TOMM20L: variants seen among roughly 807,000 people sequenced by gnomAD.
The protein encoded by TOMM20L is translocase of outer mitochondrial membrane 20 like, also known as TOMM20-like protein 1.
In TOMM20L, 19 loss-of-function variants were observed where a neutral mutation model predicts 20.4. The observed-to-expected ratio is 0.93, with a 90% CI of 0.65 to 1.36. TOMM20L has a LOEUF of 1.36. Among genes scored for constraint, TOMM20L ranks in the 40% most tolerant of loss-of-function variants. The pLI is 0.00. For missense variants in TOMM20L, 218 were observed against 203.7 expected (o/e 1.07, Z -0.43); for synonymous variants, 75 against 79.6 (o/e 0.94, Z 0.30).
downstream of TOMM20L, among the ~76,000 whole-genome samples, chr14:58,412,949 A>G (rs957638177): frequency 6.6e-6 from 1 of 152,066 alleles, no homozygotes; most frequent in Admixed American, 6.6e-5. Flanking sequence ...AAGGAAATCA[A>G]GAGATTTTTG....
the TOMM20L span, among the ~76,000 whole-genome samples, chr14:58,413,790 G>A: frequency 6.6e-6 from 1 of 151,698 alleles, no homozygotes; most frequent in Non-Finnish European, 1.5e-5. Context: ...GGCAGATTAC[G>A]AGGTCAGGAG....
At chr14:58,410,673 GT>G (rs1458442449), downstream of TOMM20L, among the ~76,000 whole-genome samples, 2 of 152,228 alleles carry the variant, frequency 1.3e-5, no homozygotes, top group African/African-American at 4.8e-5. Context: ...ATTTGGCACT[GT>G]TAAACTCAAT....
intron 3 of TOMM20L, among the ~76,000 whole-genome samples, chr14:58,403,250 C>T (rs2036013599): frequency 6.6e-6 from 1 of 152,058 alleles, no homozygotes; most frequent in Non-Finnish European, 1.5e-5. Flanking sequence ...CCCAGCTACT[C>T]AGAAGGCTGA....
downstream of TOMM20L, chr14:58,409,094 A>G: frequency 6.2e-7 from 1 of 1,614,042 alleles, no homozygotes; most frequent in Non-Finnish European, 8.5e-7. Flanking sequence ...GCTGAATATG[A>G]TATTCCTGAA....
intron 2 of TOMM20L, 148 bp downstream of exon 2, chr14:58,396,489 C>T: frequency 2.6e-6 from 2 of 779,442 alleles, no homozygotes; most frequent in South Asian, 3.4e-5. Flanking sequence ...GCGCCACGCA[C>T]CGCCTCAGGC....
intron 2 of TOMM20L, among the ~76,000 whole-genome samples, chr14:58,397,677 C>T (rs1248409958): frequency 6.6e-6 from 1 of 152,054 alleles, no homozygotes. Context: ...AGGAGTCATA[C>T]TGAGGAATAG....
chr14:58,396,281 C>T lies in TOMM20L; in HGVS notation c.137-17C>T. 6.2e-7 allele frequency: 1 copy of T among 1,612,866 alleles called. No individual in the cohort carries two copies. On this transcript the variant is annotated splice_polypyrimidine_tract_variant and intron_variant, in intron 1 of 4. Transcript: ENST00000360945. ...GGACGGGCCTCCCAGCCAGCATGTG[C>T]CGTGTTGTGTTCGCAGAAAGAAGAG...
chr14:58,404,099 G>GTGTGTATATATATATATA (rs1408980666), intron 3 of TOMM20L, among the ~76,000 whole-genome samples: 501 of 22,910 alleles, frequency 0.022, 153 homozygotes, highest in Non-Finnish European at 0.03. Context: ...ACATATATAT[G>GTGTGTATATATATATATA]TATATATATA....
the TOMM20L span, among the ~76,000 whole-genome samples, chr14:58,413,890 C>CT: frequency 6.6e-6 from 1 of 151,006 alleles, no homozygotes; most frequent in African/African-American, 2.4e-5. Context: ...GCCTGGAGTC[C>CT]TAGCTACTTG....
chr14:58,403,974 C>G (rs1403573354), intron 3 of TOMM20L, among the ~76,000 whole-genome samples: 1 of 145,978 alleles, frequency 6.9e-6, no homozygotes, highest in African/African-American at 2.5e-5. Context: ...TCATAATGTC[C>G]TTATTCTGGT....
At chr14:58,414,777 C>T in the TOMM20L span, among the ~76,000 whole-genome samples, 21 of 150,058 alleles carry the variant, frequency 1.4e-4, no homozygotes, top group South Asian at 6.4e-4. Flanking sequence ...AAGAAATTCA[C>T]AATAACTACT....
At chr14:58,412,029 C>T (rs970735253), downstream of TOMM20L, 16 of 1,322,098 alleles carry the variant, frequency 1.2e-5, no homozygotes, top group Non-Finnish European at 1.7e-5. Context: ...TTTAGTCTAA[C>T]TGAAGAGTTA....
chr14:58,407,354 C>T lies in TOMM20L; in HGVS notation c.291C>T (p.Leu97=), dbSNP rs746756946. The change falls in exon 4 of 5, where the codon CTC becomes CTT. Residue 97 remains leucine (L), a synonymous_variant. Transcript: ENST00000360945. ...RGEHRMGIQH[L]GNALLVCEQP... is the part of the protein sequence containing the mutation. ...AGCACAGAATGGGGATTCAACACCT[C>T]GGCAATGCCCTTTTAGTGTGCGAGC... 3.7e-6 allele frequency: 6 copies of T among 1,610,458 alleles called. No individual in the cohort carries two copies. Among genetic ancestry groups the T allele is most frequent in the East Asian group, 2.3e-5 (1 of 44,414 alleles).
In TOMM20L at chr14:58,396,373, A is replaced by G. The variant is rs541610739; in HGVS notation, c.180+32A>G. On this transcript the variant is annotated intron_variant, in intron 2 of 4. Coordinates refer to ENST00000360945, the MANE Select transcript of TOMM20L (RefSeq NM_207377.3). ...TGCTTTCGATCCGCACAGGTAGCTC[A>G]GTAGACGCAGGTCCGGGCTCGCTGG... The G allele has an allele frequency of 6.8e-6, 11 of 1,611,924 alleles. No individual in the cohort carries two copies. The Admixed American group carries it at 8.3e-5, about 12-fold the overall frequency.
chr14:58,415,854 C>G, the TOMM20L span, among the ~76,000 whole-genome samples: 1 of 152,068 alleles, frequency 6.6e-6, no homozygotes, highest in Admixed American at 6.6e-5. Flanking sequence ...ATTCAAAAAG[C>G]TGAACAAACC....
chr14:58,415,206 C>T, the TOMM20L span, among the ~76,000 whole-genome samples: 1 of 152,164 alleles, frequency 6.6e-6, no homozygotes, highest in African/African-American at 2.4e-5. Flanking sequence ...GAAGTGGTAC[C>T]TCCCACCACT....
Position 58,395,964 on chromosome 14 carries a change from T to C in TOMM20L, c.7T>C (p.Ser3Pro). ...GTGGGACGCCCGCGGTCGGATGCCCTCCGTCCGCTCCCTCCTCCGCCTCTT... is the reference window on the plus strand; with the variant it reads ...GTGGGACGCCCGCGGTCGGATGCCCCCCGTCCGCTCCCTCCTCCGCCTCTT... MP[S>P]VRSLLRLLAA... The change falls in exon 1 of 5, where the codon TCC (serine) becomes CCC (proline). Residue 3 changes from serine (S) to proline (P), a missense_variant. By Grantham distance (74) the Ser-to-Pro change is moderately conservative. Coordinates refer to ENST00000360945, the MANE Select transcript of TOMM20L (RefSeq NM_207377.3). 3.5e-6 allele frequency: 5 copies of C among 1,438,854 alleles called. No homozygotes were observed. The East Asian group carries it at 8.6e-5, about 25-fold the overall frequency. The allele number at this position is 1,438,854 out of a possible 1,614,324, so 89.1% of individuals were successfully genotyped here.
chr14:58,409,757 T>C (rs1445902664), downstream of TOMM20L, among the ~76,000 whole-genome samples: 1 of 151,060 alleles, frequency 6.6e-6, no homozygotes, highest in East Asian at 2.0e-4. Flanking sequence ...TTTTTGTATT[T>C]TTAGTAGAGA....
chr14:58,400,721 T>C (rs1388774614), intron 2 of TOMM20L, among the ~76,000 whole-genome samples: 1 of 151,790 alleles, frequency 6.6e-6, no homozygotes, highest in Non-Finnish European at 1.5e-5. Flanking sequence ...CTACTAAAAA[T>C]ACAAAAATTG....
Sources: gnomAD v4.1 joint callset for allele counts (sites outside exome capture counted in the v4.1 genomes callset) on GRCh38, gnomAD v4.1.1 for gene constraint, MANE v1.5 for transcripts, NCBI Gene and HGNC (gene_info 2026-07-23, HGNC 2026-07-21) for gene names.